The following FGF14 variants were observed in gnomAD, a reference collection of about 807,000 sequenced individuals.
The protein encoded by FGF14 is fibroblast growth factor homologous factor 4.
A neutral mutation model predicts 25.5 loss-of-function variants in FGF14; 5 were observed. The ratio of observed to expected loss-of-function variants is 0.20; its 90% CI spans 0.10 to 0.41. The LOEUF is 0.41. FGF14 is among the 10% of genes least tolerant of loss of function. The pLI, the probability that FGF14 is intolerant of heterozygous loss-of-function variation, is 1.00. For synonymous variants in FGF14, 138 were observed against 118.3 expected (o/e 1.17, Z -1.08); for missense variants, 222 against 320.1 (o/e 0.69, Z 2.34).
intron 1 of FGF14, among the ~76,000 whole-genome samples, chr13:102,061,206 A>G (rs1595142999): frequency 6.6e-6 from 1 of 152,334 alleles, no homozygotes; most frequent in East Asian, 1.9e-4. Context: ...AGGATACAGA[A>G]AGCCCTCTGT....
chr13:102,156,294 T>A (rs1044223201), intron 1 of FGF14, among the ~76,000 whole-genome samples: 1 of 152,034 alleles, frequency 6.6e-6, no homozygotes, highest in African/African-American at 2.4e-5. Context: ...CAGCAGCACA[T>A]CAAAAAGCTT....
At chr13:102,152,816 G>A (rs1209461014) in intron 1 of FGF14, among the ~76,000 whole-genome samples, 1 of 152,248 alleles carries the variant, frequency 6.6e-6, no homozygotes, top group Non-Finnish European at 1.5e-5. Flanking sequence ...TGATGTGGAA[G>A]ATGTATTGAC....
intron 3 of FGF14, among the ~76,000 whole-genome samples, chr13:101,791,425 T>TTCC (rs1482207156): frequency 6.6e-5 from 10 of 152,266 alleles, no homozygotes; most frequent in African/African-American, 2.4e-4. Flanking sequence ...CTCACCTTAT[T>TTCC]TCCTCTGGAA....
In FGF14 at chr13:102,400,030, C is replaced by A. The variant is rs796771460; in HGVS notation, c.208+1441G>T. Among the ~76,000 whole-genome samples, 1 of 151,812 alleles carries A rather than the reference C, an allele frequency of 6.6e-6. No individual in the cohort carries two copies. The highest frequency in any genetic ancestry group is 2.0e-4 in the East Asian group (1 of 5,056). The stretch of plus-strand genomic sequence containing the variant: ...TGGTGGCCGCAAACGGTCTCAGCCT[C>A]CGCACCCACCGCCTCCGTCCCCGCC... On this transcript the variant is annotated intron_variant, in intron 1 of 4. Coordinates refer to the FGF14 transcript ENST00000376131. The surrounding 1 kb of genome is among the most constrained non-coding windows in gnomAD (Gnocchi z 4.3).
chr13:101,941,064 C>A (rs932735439), intron 1 of FGF14, among the ~76,000 whole-genome samples: 3 of 152,156 alleles, frequency 2.0e-5, no homozygotes, highest in Non-Finnish European at 4.4e-5. Context: ...AGAATAAACA[C>A]ATGAGCTGAA....
At chr13:101,757,853 T>C (rs942134136) in intron 3 of FGF14, among the ~76,000 whole-genome samples, 4 of 152,228 alleles carry the variant, frequency 2.6e-5, no homozygotes, top group African/African-American at 7.2e-5. Context: ...ATTAATGTCA[T>C]GTTAAAGTCA....
rs763518572 is a variant in FGF14, at chr13:101,784,702, T to TCCCA, written c.409-57896_409-57893dup. On this transcript the variant is annotated intron_variant, in intron 3 of 4. Coordinates refer to ENST00000376143, the MANE Select transcript of FGF14 (RefSeq NM_004115.4). ...CCATTCTTATCTAATCTTTCTCTTG[T>TCCCA]CCCACTTGTCAATTTTACTCATGGC... Among the ~76,000 whole-genome samples, 14 of 152,202 alleles carry TCCCA rather than the reference T, an allele frequency of 9.2e-5. No homozygotes were observed. The South Asian group carries it at 1.0e-3, about 11-fold the overall frequency.
intron 1 of FGF14, among the ~76,000 whole-genome samples, chr13:102,194,103 T>TA (rs1566802652): frequency 6.6e-6 from 1 of 152,152 alleles, no homozygotes; most frequent in Non-Finnish European, 1.5e-5. Context: ...ATAAATTATT[T>TA]AAAAAATCGA....
chr13:102,308,069 G>A (rs1260104365), intron 1 of FGF14, among the ~76,000 whole-genome samples: 1 of 152,168 alleles, frequency 6.6e-6, no homozygotes, highest in Non-Finnish European at 1.5e-5. Context: ...CGAGACACCA[G>A]AAGGCTGGGC....
At chr13:101,902,060 T>C (rs957341063) in intron 1 of FGF14, among the ~76,000 whole-genome samples, 4 of 152,162 alleles carry the variant, frequency 2.6e-5, no homozygotes, top group African/African-American at 4.8e-5. Flanking sequence ...GGTTGCTTTA[T>C]TTTTACTTGA....
At chr13:102,127,562 TCA>T (rs1214161341) in intron 1 of FGF14, among the ~76,000 whole-genome samples, 1 of 152,224 alleles carries the variant, frequency 6.6e-6, no homozygotes, top group East Asian at 1.9e-4. Flanking sequence ...TAACTTTTAC[TCA>T]CACTTAAAAC....
intron 1 of FGF14, among the ~76,000 whole-genome samples, chr13:101,982,598 A>G (rs1273674879): frequency 1.3e-5 from 2 of 152,164 alleles, no homozygotes; most frequent in African/African-American, 4.8e-5. Context: ...TCTGTTATCT[A>G]AGAGTGCAAA....
At chr13:102,311,286 T>A (rs2055752823) in intron 1 of FGF14, among the ~76,000 whole-genome samples, 1 of 152,168 alleles carries the variant, frequency 6.6e-6, no homozygotes, top group African/African-American at 2.4e-5. Flanking sequence ...TTGGCCTGGT[T>A]TCTGGGCCCT....
chr13:102,214,620 C>A (rs551397152), intron 1 of FGF14, among the ~76,000 whole-genome samples: 1 of 152,322 alleles, frequency 6.6e-6, no homozygotes, highest in South Asian at 2.1e-4. Flanking sequence ...AGAAGCTAGG[C>A]AACCATCTGG....
chr13:102,001,895 G>T (rs763625788), intron 1 of FGF14, among the ~76,000 whole-genome samples: 3 of 152,144 alleles, frequency 2.0e-5, no homozygotes, highest in Non-Finnish European at 2.9e-5. Context: ...CATTTAGGTG[G>T]CAGGTGGGAA....
At chr13:101,977,390 A>G (rs1594887557) in intron 1 of FGF14, among the ~76,000 whole-genome samples, 1 of 152,200 alleles carries the variant, frequency 6.6e-6, no homozygotes, top group Non-Finnish European at 1.5e-5. Flanking sequence ...ATTGTGAAGC[A>G]GCTATGAAGA....
chr13:102,034,545 T>A (rs1447919781), intron 1 of FGF14, among the ~76,000 whole-genome samples: 1 of 152,156 alleles, frequency 6.6e-6, no homozygotes, highest in African/African-American at 2.4e-5. Flanking sequence ...AGTGAGGCAC[T>A]AGCCTTGGGC....
At chr13:102,149,519 TAC>T (rs1266364944) in intron 1 of FGF14, among the ~76,000 whole-genome samples, 6 of 152,302 alleles carry the variant, frequency 3.9e-5, no homozygotes, top group African/African-American at 1.4e-4. Flanking sequence ...CGACCTGATA[TAC>T]ACAGAGTACA....
intron 3 of FGF14, among the ~76,000 whole-genome samples, chr13:101,848,046 G>C (rs1355018203): frequency 6.6e-6 from 1 of 151,958 alleles, no homozygotes; most frequent in Admixed American, 6.6e-5. Context: ...TTTTAAAATG[G>C]TTTAGACAGT....
Sources: gnomAD v4.1 joint callset for allele counts (sites outside exome capture counted in the v4.1 genomes callset) on GRCh38, gnomAD v4.1.1 for gene constraint, Gnocchi (gnomAD v3.1) non-coding constraint, MANE v1.5 for transcripts, NCBI Gene and HGNC (gene_info 2026-07-23, HGNC 2026-07-21) for gene names.